TFAP2B: variants seen among roughly 807,000 people sequenced by gnomAD.
TFAP2B encodes transcription factor AP-2-beta.
TFAP2B carries 9 observed loss-of-function variants against 44.3 expected under a neutral mutation model. That is an observed-to-expected ratio of 0.20 (90% CI 0.12 to 0.35). The LOEUF is 0.35. Ranked by LOEUF, TFAP2B falls within the 10% of genes least tolerant of loss-of-function variation. The pLI, the probability that TFAP2B is intolerant of heterozygous loss-of-function variation, is 1.00. For missense variants in TFAP2B, 509 were observed against 600.0 expected, an observed-to-expected ratio of 0.85 and a Z score of 1.59; for synonymous variants, 270 against 263.8, an observed-to-expected ratio of 1.02 and a Z score of -0.23.
chr6:50,819,052 T>TA, intron 1 of TFAP2B, 80 bp downstream of exon 1: 2 of 1,346,262 alleles, frequency 1.5e-6, no homozygotes, highest in African/African-American at 1.4e-5. Flanking sequence ...ATGATATATA[T>TA]TTTTAAGCTA....
At position 50,828,847 on chromosome 6, in the gene TFAP2B, G is replaced by A. The variant is rs528107003; in HGVS notation, c.601+168G>A. On this transcript the variant is annotated intron_variant, in intron 3 of 6. Transcript: ENST00000393655. Reference sequence around the variant, plus strand: ...GGGGAAAGGGCATGTTGGGAAGATGGAAGTTGGGCAAGGGAGAATGAAAAC... The same window carrying A: ...GGGGAAAGGGCATGTTGGGAAGATGAAAGTTGGGCAAGGGAGAATGAAAAC... The A allele has an allele frequency of 1.8e-5, 5 of 271,802 alleles. No homozygotes were observed. The South Asian group carries it at 6.9e-4, about 38-fold the overall frequency. The allele number at this position is 271,802 out of a possible 1,614,324, so 16.8% of individuals were successfully genotyped here. A position where few individuals can be genotyped will look rare whatever the true frequency, so the allele number is the denominator to read the frequency against.
At chr6:50,827,083 G>T (rs1770529359) in intron 2 of TFAP2B, among the ~76,000 whole-genome samples, 1 of 152,174 alleles carries the variant, frequency 6.6e-6, no homozygotes, top group Admixed American at 6.5e-5. Flanking sequence ...CGCTGATGAG[G>T]CGTTTATACA....
intron 5 of TFAP2B, among the ~76,000 whole-genome samples, chr6:50,838,404 A>T (rs1364477990): frequency 6.6e-6 from 1 of 152,168 alleles, no homozygotes; most frequent in Non-Finnish European, 1.5e-5. Flanking sequence ...AACTCTTGCA[A>T]GAGTAACTCT....
intron 6 of TFAP2B, 63 bp from the exon 7 acceptor site, chr6:50,843,029 T>C (rs750752514): frequency 1.7e-5 from 28 of 1,608,848 alleles, no homozygotes; most frequent in Non-Finnish European, 2.4e-5. Context: ...GAGCGTCTCC[T>C]TTCTAATGCC....
intron 4 of TFAP2B, among the ~76,000 whole-genome samples, chr6:50,837,211 A>G (rs556773611): frequency 8.5e-5 from 13 of 152,330 alleles, no homozygotes; most frequent in Non-Finnish European, 1.9e-4. Flanking sequence ...ACTTTAGCAC[A>G]TACAAGGAGA....
intron 6 of TFAP2B, among the ~76,000 whole-genome samples, chr6:50,841,361 A>G (rs570696866): frequency 6.6e-6 from 1 of 152,296 alleles, no homozygotes; most frequent in South Asian, 2.1e-4. Context: ...TGTATCAACC[A>G]GCAGTAAAAT....
chr6:50,818,419 C>T (rs1770233031), upstream of TFAP2B, among the ~76,000 whole-genome samples: 2 of 152,022 alleles, frequency 1.3e-5, no homozygotes, highest in Non-Finnish European at 2.9e-5. Flanking sequence ...GGTAAGTGTC[C>T]CCCTTTAAAA....
chr6:50,840,946 C>A (rs554121466), intron 6 of TFAP2B, among the ~76,000 whole-genome samples: 1 of 152,372 alleles, frequency 6.6e-6, no homozygotes, highest in Non-Finnish European at 1.5e-5. Flanking sequence ...GCGCTGCGTG[C>A]GCCCGCACGT....
chr6:50,822,127 T>A (rs1177755998), intron 1 of TFAP2B: 1 of 1,304,054 alleles, frequency 7.7e-7, no homozygotes. Context: ...CAGGCTTTTT[T>A]TTCCAGATGT....
intron 3 of TFAP2B, chr6:50,830,445 GA>G (rs1770642625): frequency 3.0e-6 from 1 of 332,416 alleles, no homozygotes; most frequent in Admixed American, 6.4e-5. Flanking sequence ...CCAGGAATAA[GA>G]AAAAGAGAAT....
At chr6:50,833,603 T>G (rs1003688401) in intron 3 of TFAP2B, among the ~76,000 whole-genome samples, 1 of 152,204 alleles carries the variant, frequency 6.6e-6, no homozygotes, top group African/African-American at 2.4e-5. Context: ...ATTGGGGGTA[T>G]GCAGGTGATA....
chr6:50,842,919 T>C (rs1483721930), intron 6 of TFAP2B, among the ~76,000 whole-genome samples, 173 bp from the exon 7 acceptor site: 1 of 152,116 alleles, frequency 6.6e-6, no homozygotes, highest in Non-Finnish European at 1.5e-5. Context: ...TTCCTTTCAG[T>C]CCCAGCTGCT....
At chr6:50,828,338 G>T (rs1311067464) in intron 2 of TFAP2B, among the ~76,000 whole-genome samples, 1 of 152,188 alleles carries the variant, frequency 6.6e-6, no homozygotes, top group African/African-American at 2.4e-5. Context: ...TAATATAAAG[G>T]TTTATCTGTC....
chr6:50,843,340 G>T lies in TFAP2B; in HGVS notation c.1331G>T (p.Gly444Val). 1.2e-6 allele frequency: 2 copies of T among 1,614,056 alleles called. No homozygotes were observed. The highest frequency in any genetic ancestry group is 1.7e-6 in the Non-Finnish European group (2 of 1,180,018). Reference protein sequence around the residue: ...NNTTTNRHTSGEGPGSKTGDK... With the variant: ...NNTTTNRHTSVEGPGSKTGDK... ...ACCACCACTAACAGGCACACGTCTGGGGAAGGCCCAGGTAGTAAAACTGGC... is the reference window on the plus strand; with the variant it reads ...ACCACCACTAACAGGCACACGTCTGTGGAAGGCCCAGGTAGTAAAACTGGC... Residue 444 changes from glycine to valine, a missense_variant, in exon 7 of 7, where the codon GGG becomes GTG. Gly to Val is a moderately radical substitution (Grantham distance 109). This residue lies in a region of TFAP2B where 168 missense variants were observed against 183.2 expected (regional missense o/e 0.92). Transcript: ENST00000393655.
At chr6:50,824,922 T>C (rs1205865040) in intron 2 of TFAP2B, among the ~76,000 whole-genome samples, 1 of 152,240 alleles carries the variant, frequency 6.6e-6, no homozygotes, top group Non-Finnish European at 1.5e-5. Flanking sequence ...AATTGACACT[T>C]CAGTTTCATT....
intron 2 of TFAP2B, among the ~76,000 whole-genome samples, chr6:50,827,666 T>C (rs1401216460): frequency 3.3e-5 from 5 of 152,202 alleles, no homozygotes; most frequent in Admixed American, 1.3e-4. Flanking sequence ...AAGAAAGTAG[T>C]TGTAGATTTT....
chr6:50,836,366 G>T (rs1762623414), intron 4 of TFAP2B, 86 bp downstream of exon 4: 5 of 1,229,962 alleles, frequency 4.1e-6, no homozygotes, highest in Non-Finnish European at 5.8e-6. Context: ...TGAGGAGAAG[G>T]TTCCAGCAAA....
In TFAP2B at chr6:50,823,735, C is replaced by T. The variant is rs1205744904; in HGVS notation, c.410C>T (p.Pro137Leu). The T allele has an allele frequency of 6.2e-7, 1 of 1,611,336 alleles. No individual in the cohort carries two copies. Among genetic ancestry groups the T allele is most frequent in the Non-Finnish European group, 8.5e-7 (1 of 1,178,824 alleles). ...AALPQLSGLD[P>L]RRDYHSVRRP... ...TTGCCCCAGCTCTCGGGCCTTGACCCCCGGAGGGACTACCACTCGGTCCGC... is the reference window on the plus strand; with the variant it reads ...TTGCCCCAGCTCTCGGGCCTTGACCTCCGGAGGGACTACCACTCGGTCCGC... The change falls in exon 2 of 7, where the codon CCC becomes CTC. Residue 137 changes from proline to leucine, a missense_variant. By Grantham distance (98) the Pro-to-Leu change is moderately conservative. Around this residue, in one of 3 missense-constraint regions of TFAP2B, gnomAD observed 296 missense variants for 308.2 expected, o/e 0.96. Coordinates refer to ENST00000393655, the MANE Select transcript of TFAP2B (RefSeq NM_003221.4).
chr6:50,838,223 G>A, intron 5 of TFAP2B, 130 bp downstream of exon 5: 1 of 857,508 alleles, frequency 1.2e-6, no homozygotes, highest in Non-Finnish European at 2.0e-6. Flanking sequence ...TGGATGTCAA[G>A]CGGCTTCTTG....
Sources: gnomAD v4.1 joint callset for allele counts (sites outside exome capture counted in the v4.1 genomes callset) on GRCh38, gnomAD v4.1.1 for gene constraint, gnomAD v4.1.1 regional missense constraint, MANE v1.5 for transcripts, NCBI Gene and HGNC (gene_info 2026-07-23, HGNC 2026-07-21) for gene names.